Variants in SASS6 observed in about 807,000 individuals in gnomAD.
The protein encoded by SASS6 is SAS-6 centriolar assembly protein, also known as spindle assembly abnormal protein 6 homolog.
A neutral mutation model predicts 94.9 loss-of-function variants in SASS6; 59 were observed. The ratio of observed to expected loss-of-function variants is 0.62; its 90% CI spans 0.50 to 0.77. The LOEUF (loss-of-function observed/expected upper bound fraction) is 0.77. Among genes scored for constraint, SASS6 ranks in the 30% least tolerant of loss-of-function variants. SASS6 has a pLI of 0.00. For synonymous variants in SASS6, 264 were observed against 270.0 expected (o/e 0.98, Z 0.22); for missense variants, 698 against 734.1 (o/e 0.95, Z 0.57).
Position 100,123,243 on chromosome 1 carries a change from T to C in SASS6, c.173A>G (p.Tyr58Cys). ...LTDDTDPFFL[Y>C]NLVISEEDFQ... Reference sequence around the variant, plus strand: ...ATCTTCCTCAGATATAACAAGGTTATATAAAAAAAATGGATCCGTGTCATC... The same window carrying C: ...ATCTTCCTCAGATATAACAAGGTTACATAAAAAAAATGGATCCGTGTCATC... The change falls in exon 3 of 17, where the codon TAT becomes TGT. Residue 58 changes from tyrosine (Y) to cysteine (C), a missense_variant. By Grantham distance (194) the Tyr-to-Cys change is radical (BLOSUM62 -2). Coordinates refer to ENST00000287482, the MANE Select transcript of SASS6 (RefSeq NM_194292.3). The C allele has an allele frequency of 6.5e-7, 1 of 1,541,136 alleles. No homozygotes were observed. Among genetic ancestry groups the C allele is most frequent in the Non-Finnish European group, 8.9e-7 (1 of 1,122,240 alleles).
intron 1 of SASS6, among the ~76,000 whole-genome samples, chr1:100,126,173 T>A (rs1215544422): frequency 6.6e-6 from 1 of 152,182 alleles, no homozygotes; most frequent in Non-Finnish European, 1.5e-5. Context: ...ACCTGTAAAA[T>A]GGGGATATCG....
chr1:100,088,422 C>G (rs1651455478), intron 14 of SASS6, among the ~76,000 whole-genome samples, 186 bp from the exon 15 acceptor site: 1 of 152,114 alleles, frequency 6.6e-6, no homozygotes, highest in Non-Finnish European at 1.5e-5. Context: ...TTCCAACTAG[C>G]TGAGACTACA....
chr1:100,104,457 T>C (rs1652736935), intron 13 of SASS6, among the ~76,000 whole-genome samples: 1 of 152,072 alleles, frequency 6.6e-6, no homozygotes, highest in Non-Finnish European at 1.5e-5. Context: ...CTGCTTTTCC[T>C]ATTCTGCCTT....
At position 100,132,811 on chromosome 1, in the gene SASS6, T is replaced by A; in HGVS notation, c.4A>T (p.Ser2Cys). 2 of 1,614,002 alleles carry A rather than the reference T, an allele frequency of 1.2e-6. No individual in the cohort carries two copies. The highest frequency in any genetic ancestry group is 1.1e-5 in the South Asian group (1 of 91,090). ...ACTAGTTGGTGGAACAGCACTTGGC[T>A]CATGTTGGCTCGCTGCCTCGGCTGG... M[S>C]QVLFHQLVPL... The change falls in exon 1 of 17, where the codon AGC (serine) becomes TGC (cysteine). Residue 2 changes from serine to cysteine, a missense_variant. Physicochemically the swap from Ser to Cys is moderately radical, Grantham distance 112. Transcript: ENST00000287482.
chr1:100,102,976 G>T lies in SASS6; in HGVS notation c.1653C>A (p.Ser551Arg). 6.2e-7 allele frequency: 1 copy of T among 1,612,220 alleles called. No individual in the cohort carries two copies. The highest frequency in any genetic ancestry group is 8.5e-7 in the Non-Finnish European group (1 of 1,178,750). ...FPHSISAKNT[S>R]HPGSGTKVQF... ...CTACCTTTGTTCCTGAACCAGGGTG[G>T]CTGGTATTTTTGGCAGATATCGAAT... is the stretch of plus-strand genomic sequence containing the variant. The change falls in exon 14 of 17, where the codon AGC (serine) becomes AGA (arginine). Residue 551 changes from serine to arginine, a missense_variant. Ser to Arg is a moderately radical substitution (Grantham distance 110). Coordinates refer to ENST00000287482, the MANE Select transcript of SASS6 (RefSeq NM_194292.3).
At chr1:100,101,816 A>T (rs1267675293) in intron 14 of SASS6, among the ~76,000 whole-genome samples, 1 of 152,228 alleles carries the variant, frequency 6.6e-6, no homozygotes, top group Non-Finnish European at 1.5e-5. Flanking sequence ...CATTTAACTG[A>T]GAATTCTCCA....
At chr1:100,130,722 A>T (rs901393137) in intron 1 of SASS6, among the ~76,000 whole-genome samples, 2 of 150,248 alleles carry the variant, frequency 1.3e-5, no homozygotes, top group Non-Finnish European at 3.0e-5. Flanking sequence ...AGAAAGAGAG[A>T]GAGTCTGGGT....
intron 14 of SASS6, among the ~76,000 whole-genome samples, chr1:100,098,132 G>A (rs531031571): frequency 6.6e-6 from 1 of 151,922 alleles, no homozygotes; most frequent in Non-Finnish European, 1.5e-5. Flanking sequence ...TTTTAAAAAG[G>A]AAGTATAATG....
intron 7 of SASS6, among the ~76,000 whole-genome samples, chr1:100,112,622 G>A (rs775495191): frequency 1.2e-4 from 19 of 152,252 alleles, no homozygotes; most frequent in South Asian, 4.1e-4. Flanking sequence ...GACAAATATA[G>A]ATAATACAGC....
At position 100,107,542 on chromosome 1, in the gene SASS6, A is replaced by G; in HGVS notation, c.1158T>C (p.Ile386=). 1 of 1,597,718 alleles carries G rather than the reference A, an allele frequency of 6.3e-7. No individual in the cohort carries two copies. The highest frequency in any genetic ancestry group is 8.5e-7 in the Non-Finnish European group (1 of 1,170,162). The change falls in exon 11 of 17, where the codon ATT becomes ATC. Residue 386 remains isoleucine, a synonymous_variant. Coordinates refer to ENST00000287482, the MANE Select transcript of SASS6 (RefSeq NM_194292.3). ...TCAGATCCCCTTGTAACTTCTTGATAATTTCATTTGCCTATAAAAGAGCTT... is the reference window on the plus strand; with the variant it reads ...TCAGATCCCCTTGTAACTTCTTGATGATTTCATTTGCCTATAAAAGAGCTT... ...LSAELLKANE[I]IKKLQGDLKT... is the part of the protein sequence containing the mutation.
intron 7 of SASS6, among the ~76,000 whole-genome samples, chr1:100,111,643 C>CT (rs1243581886): frequency 1.3e-5 from 2 of 152,060 alleles, no homozygotes; most frequent in Non-Finnish European, 2.9e-5. Context: ...ATTCAAAAGT[C>CT]TTAGCACTAG....
chr1:100,099,595 T>C (rs1030423517), intron 14 of SASS6: 4 of 152,224 alleles, frequency 2.6e-5, no homozygotes, highest in African/African-American at 9.7e-5. Context: ...CAGCTTAAAA[T>C]AGTCTCTTAC....
chr1:100,088,370 A>G (rs1389382721), intron 14 of SASS6, 134 bp from the exon 15 acceptor site: 1 of 527,956 alleles, frequency 1.9e-6, no homozygotes, highest in Non-Finnish European at 3.5e-6. Flanking sequence ...GGTTCACTGC[A>G]GTCCCAATCT....
At chr1:100,088,595 T>TAGAC (rs112507629) in intron 14 of SASS6, among the ~76,000 whole-genome samples, 37,905 of 151,762 alleles carry the variant, frequency 0.25, 7,326 homozygotes, top group African/African-American at 0.55. Flanking sequence ...CGGGGTGAAT[T>TAGAC]AGTTCTATAT....
intron 14 of SASS6, among the ~76,000 whole-genome samples, chr1:100,101,764 T>C (rs908813302): frequency 6.6e-6 from 1 of 152,220 alleles, no homozygotes; most frequent in Non-Finnish European, 1.5e-5. Context: ...AAGTACTCTT[T>C]ACATAACAGT....
At chr1:100,087,660 C>CT (rs1651405730) in intron 15 of SASS6, among the ~76,000 whole-genome samples, 1 of 152,012 alleles carries the variant, frequency 6.6e-6, no homozygotes, top group Non-Finnish European at 1.5e-5. Context: ...TCTCACAAAC[C>CT]TTTTTACTCA....
chr1:100,087,308 A>G (rs1455838732), intron 15 of SASS6, among the ~76,000 whole-genome samples: 1 of 152,144 alleles, frequency 6.6e-6, no homozygotes, highest in Non-Finnish European at 1.5e-5. Flanking sequence ...ATTTTAACAC[A>G]TCATGATCCA....
intron 3 of SASS6, among the ~76,000 whole-genome samples, 189 bp from the exon 4 acceptor site, chr1:100,122,673 C>T (rs901543531): frequency 2.0e-5 from 3 of 151,374 alleles, no homozygotes; most frequent in Non-Finnish European, 4.4e-5. Context: ...CTTCCTCAGC[C>T]TCCTGAGTAG....
In SASS6 at chr1:100,120,216, C is replaced by T. The variant is rs573372322; in HGVS notation, c.549+178G>A. Among the ~76,000 whole-genome samples the T allele has an allele frequency of 8.6e-5, 13 of 151,990 alleles. No homozygotes were observed. The South Asian group carries it at 2.3e-3, about 27-fold the overall frequency. ...ATGTTTGTGTAAAATCAAGTATGTA[C>T]AAGAGAAAGTATCAAATTAAGATAA... On this transcript the variant is annotated intron_variant, in intron 6 of 16. Transcript: ENST00000287482.
Sources: gnomAD v4.1 joint callset for allele counts (sites outside exome capture counted in the v4.1 genomes callset) on GRCh38, gnomAD v4.1.1 for gene constraint, MANE v1.5 for transcripts, NCBI Gene and HGNC (gene_info 2026-07-23, HGNC 2026-07-21) for gene names.